Variants in MAP3K9 observed in about 807,000 individuals in gnomAD.
MAP3K9 encodes mixed lineage kinase 1 (tyr and ser/thr specificity).
A neutral mutation model predicts 95.8 loss-of-function variants in MAP3K9; 46 were observed. The ratio of observed to expected loss-of-function variants is 0.48; its 90% CI spans 0.38 to 0.61. The LOEUF (loss-of-function observed/expected upper bound fraction) is 0.61. Ranked by LOEUF, MAP3K9 falls within the 20% of genes least tolerant of loss-of-function variation. MAP3K9 has a pLI of 0.00. For synonymous variants in MAP3K9, 533 were observed against 593.8 expected (o/e 0.90, Z 1.49); for missense variants, 1,296 against 1,474.3 (o/e 0.88, Z 1.98).
At position 70,809,310 on chromosome 14, in the gene MAP3K9, T is replaced by A. The variant is rs997166502; in HGVS notation, c.-139A>T. 1 of 1,101,266 alleles carries A rather than the reference T, an allele frequency of 9.1e-7. No homozygotes were observed. The highest frequency in any genetic ancestry group is 4.3e-5 in the South Asian group (1 of 23,088). The allele number at this position is 1,101,266 out of a possible 1,614,324, so 68.2% of individuals were successfully genotyped here. On this transcript the variant is annotated 5_prime_UTR_variant, in exon 1 of 12. Coordinates refer to ENST00000554752, the MANE Select transcript of MAP3K9 (RefSeq NM_001284230.2). ...CAGGTAGGGCCCGGGCTGGCAGGGC[T>A]GGGAGAGCCGGCTCGCCGGCGCTGT...
chr14:70,732,506 A>C (rs771431686), intron 11 of MAP3K9, 33 bp downstream of exon 11: 2 of 1,512,702 alleles, frequency 1.3e-6, no homozygotes, highest in Admixed American at 2.3e-5. Context: ...GGAGGCACAA[A>C]GAAAGGAAAG....
Position 70,800,715 on chromosome 14 carries a change from C to T in MAP3K9, c.772G>A (p.Asp258Asn). The T allele has an allele frequency of 6.2e-7, 1 of 1,614,162 alleles. No homozygotes were observed. The highest frequency in any genetic ancestry group is 1.3e-5 in the African/African-American group (1 of 75,048). ...TGGATGATGGGAACAATTGCCTCATCATGTAAGTAGTTCATCCCTCTGGCA... is the reference window on the plus strand; with the variant it reads ...TGGATGATGGGAACAATTGCCTCATTATGTAAGTAGTTCATCCCTCTGGCA... Reference protein sequence around the residue: ...QIARGMNYLHDEAIVPIIHRD... With the variant: ...QIARGMNYLHNEAIVPIIHRD... Residue 258 changes from aspartate to asparagine, a missense_variant, in exon 2 of 12, where the codon GAT becomes AAT. Physicochemically the swap from Asp to Asn is conservative, Grantham distance 23. Around this residue, in one of 5 missense-constraint regions of MAP3K9, gnomAD observed 338 missense variants for 363.4 expected, o/e 0.93. Coordinates refer to ENST00000554752, the MANE Select transcript of MAP3K9 (RefSeq NM_001284230.2).
intron 10 of MAP3K9, 74 bp from the exon 11 acceptor site, chr14:70,733,416 C>T (rs767435952): frequency 4.4e-6 from 3 of 679,320 alleles, no homozygotes; most frequent in Non-Finnish European, 5.0e-6. Flanking sequence ...CTGGCCCTTT[C>T]CCCTCACCCC....
At chr14:70,789,649 C>G (rs574167870) in intron 2 of MAP3K9, among the ~76,000 whole-genome samples, 1 of 152,202 alleles carries the variant, frequency 6.6e-6, no homozygotes, top group African/African-American at 2.4e-5. Flanking sequence ...ACTCCCAAGG[C>G]GGTGTTTCTT....
intron 2 of MAP3K9, among the ~76,000 whole-genome samples, chr14:70,795,188 G>C (rs901989217): frequency 6.6e-6 from 1 of 151,260 alleles, no homozygotes; most frequent in Non-Finnish European, 1.5e-5. Flanking sequence ...AGTAGAGATG[G>C]GGTTTCACTA....
At chr14:70,735,535 T>G (rs115571008) in intron 9 of MAP3K9, among the ~76,000 whole-genome samples, 1,742 of 152,236 alleles carry the variant, frequency 0.011, 29 homozygotes, top group African/African-American at 0.039. Context: ...CAACCACCAC[T>G]GGTTTCAACC....
At chr14:70,760,160 CACACACACACACAT>C (rs1159407721) in intron 3 of MAP3K9, among the ~76,000 whole-genome samples, 2 of 151,712 alleles carry the variant, frequency 1.3e-5, no homozygotes, top group Non-Finnish European at 2.9e-5. Context: ...CACACACACA[CACACACACACACAT>C]ACACAGCTCA....
Position 70,730,176 on chromosome 14 carries a change from C to A in MAP3K9, c.*204G>T. 1.5e-6 allele frequency: 1 copy of A among 688,194 alleles called. No individual in the cohort carries two copies. The highest frequency in any genetic ancestry group is 2.8e-5 in the East Asian group (1 of 35,418). The allele number at this position is 688,194 out of a possible 1,614,324, so 42.6% of individuals were successfully genotyped here. On this transcript the variant is annotated 3_prime_UTR_variant, in exon 12 of 12. Coordinates refer to ENST00000554752, the MANE Select transcript of MAP3K9 (RefSeq NM_001284230.2). ...GCCAGAGCTGATGGCCACAGCCCCT[C>A]CAGTGGACACGGGTAGAAAGGCCCT... is the stretch of plus-strand genomic sequence containing the variant.
Position 70,794,990 on chromosome 14 carries a change from C to CTTTTTTTTT in MAP3K9, c.820+5668_820+5676dup, listed in dbSNP as rs572010694. ...CCGTGACCAGCCTCTTTTTCTTTTC[C>CTTTTTTTTT]TTTTTTTTTTTTTTTTTTTTTGAGA... On this transcript the variant is annotated intron_variant, in intron 2 of 11. Coordinates refer to ENST00000554752, the MANE Select transcript of MAP3K9 (RefSeq NM_001284230.2). Among the ~76,000 whole-genome samples the CTTTTTTTTT allele has an allele frequency of 3.4e-4, 26 of 76,818 alleles. 5 individuals carry two copies. The highest frequency in any genetic ancestry group is 1.7e-3 in the Admixed American group (9 of 5,418). The allele number at this position is 76,818 out of a possible 152,430, so 50.4% of individuals were successfully genotyped here.
intron 7 of MAP3K9, among the ~76,000 whole-genome samples, chr14:70,739,459 C>G (rs2054034704): frequency 6.6e-6 from 1 of 151,952 alleles, no homozygotes. Context: ...TAAAATCTGT[C>G]TTTAAACCAG....
chr14:70,777,588 CTGATGCTATTAAAAGTAGT>C (rs2054616641), intron 2 of MAP3K9, among the ~76,000 whole-genome samples: 1 of 152,218 alleles, frequency 6.6e-6, no homozygotes, highest in African/African-American at 2.4e-5. Flanking sequence ...TCAAACCAGT[CTGATGCTATTAAAAGTAGT>C]CAGGGGATAC....
At chr14:70,768,873 CA>C (rs2054493027) in intron 2 of MAP3K9, among the ~76,000 whole-genome samples, 1 of 152,184 alleles carries the variant, frequency 6.6e-6, no homozygotes, top group African/African-American at 2.4e-5. Context: ...ACCTTGGTGC[CA>C]AGGCTCATGT....
chr14:70,750,645 C>T (rs1024960441), intron 3 of MAP3K9, among the ~76,000 whole-genome samples: 6 of 152,002 alleles, frequency 3.9e-5, no homozygotes, highest in African/African-American at 1.2e-4. Flanking sequence ...CCACCACGCC[C>T]GGCTAATTTT....
rs1043318049 is a variant in MAP3K9, at chr14:70,726,307, T to C, written c.*4073A>G. 7.2e-5 allele frequency: 11 copies of C among 152,346 alleles called. No homozygotes were observed. The highest frequency in any genetic ancestry group is 1.4e-4 in the African/African-American group (6 of 41,560). The allele number at this position is 152,346 out of a possible 1,614,324, so 9.4% of individuals were successfully genotyped here. On this transcript the variant is annotated 3_prime_UTR_variant, in exon 12 of 12. Transcript: ENST00000554752. ...ATCTCATTGTGTCCCTGAGCAACAG[T>C]AGCCTGAGGGAAAGGGGGCTTAGTG...
intron 2 of MAP3K9, among the ~76,000 whole-genome samples, chr14:70,786,105 T>C (rs111564314): frequency 6.4e-4 from 97 of 152,334 alleles, no homozygotes; most frequent in African/African-American, 1.7e-3. Flanking sequence ...CTGAAGCTTA[T>C]GTGGGAAAAT....
At chr14:70,764,443 G>A (rs1023557141) in intron 2 of MAP3K9, among the ~76,000 whole-genome samples, 5 of 134,260 alleles carry the variant, frequency 3.7e-5, no homozygotes, top group African/African-American at 1.1e-4. Flanking sequence ...AACAAAAAAT[G>A]TATGTTAAAA....
intron 1 of MAP3K9, among the ~76,000 whole-genome samples, chr14:70,804,877 C>G (rs2054973361): frequency 6.6e-6 from 1 of 152,082 alleles, no homozygotes. Context: ...TAGAACACAA[C>G]TTTCAAGCAG....
chr14:70,732,850 A>G lies in MAP3K9; in HGVS notation c.2519T>C (p.Ile840Thr), dbSNP rs767662014. The G allele has an allele frequency of 3.7e-6, 6 of 1,613,862 alleles. No individual in the cohort carries two copies. The highest frequency in any genetic ancestry group is 4.2e-6 in the Non-Finnish European group (5 of 1,179,864). ...GGAGCGTGTGGAGTTGCACTCGGAG[A>G]TGGAGGAGAGGGAGAGCAGCGTCAG... is the stretch of plus-strand genomic sequence containing the variant. ...ASLTLLSLSS[I>T]SECNSTRSLL... Residue 840 changes from isoleucine (I) to threonine (T), a missense_variant, in exon 11 of 12, where the codon ATC (isoleucine) becomes ACC (threonine). Ile to Thr is a moderately conservative substitution (Grantham distance 89). Coordinates refer to ENST00000554752, the MANE Select transcript of MAP3K9 (RefSeq NM_001284230.2).
chr14:70,804,337 T>C (rs2054965708), intron 1 of MAP3K9, among the ~76,000 whole-genome samples: 1 of 152,194 alleles, frequency 6.6e-6, no homozygotes, highest in Admixed American at 6.5e-5. Flanking sequence ...GAATCCAGAC[T>C]TATTACTAAC....
Sources: allele counts gnomAD v4.1 joint callset (sites outside exome capture counted in the v4.1 genomes callset), GRCh38; gene constraint gnomAD v4.1.1; regional missense constraint gnomAD v4.1.1; transcripts MANE v1.5; gene names NCBI Gene and HGNC (gene_info 2026-07-23, HGNC 2026-07-21).